The following TNRC6C variants were observed in gnomAD, a reference collection of about 807,000 sequenced individuals.
TNRC6C encodes trinucleotide repeat containing adaptor 6C, also known as trinucleotide repeat-containing gene 6C protein.
A neutral mutation model predicts 153.7 loss-of-function variants in TNRC6C; 20 were observed. That is an observed-to-expected ratio of 0.13 (90% CI 0.09 to 0.19). TNRC6C has a LOEUF of 0.19. Ranked by LOEUF, TNRC6C falls within the 10% of genes least tolerant of loss-of-function variation. TNRC6C has a pLI of 1.00. For missense variants in TNRC6C, 1,987 were observed against 2,172.0 expected, an observed-to-expected ratio of 0.91 and a Z score of 1.69; for synonymous variants, 811 against 841.4, an observed-to-expected ratio of 0.96 and a Z score of 0.63.
exon 3 of TNRC6C, chr17:78,051,161 A>C (rs763052664): frequency 1.3e-6 from 2 of 1,578,104 alleles, no homozygotes; most frequent in Non-Finnish European, 1.7e-6. Context: ...GTACCGGTCA[A>C]ACAGAAGGAC....
chr17:78,020,054 A>T (rs2071802895), intron 1 of TNRC6C, among the ~76,000 whole-genome samples: 1 of 152,242 alleles, frequency 6.6e-6, no homozygotes, highest in Non-Finnish European at 1.5e-5. Context: ...TGATTCAAAG[A>T]TCCAAAAATT....
upstream of TNRC6C, among the ~76,000 whole-genome samples, chr17:77,958,406 G>T (rs1333003059): frequency 1.3e-5 from 2 of 151,998 alleles, no homozygotes; most frequent in Non-Finnish European, 2.9e-5. Context: ...CACTCGGAGC[G>T]CGCACCGCTC....
chr17:78,089,613 T>C (rs551827638), intron 13 of TNRC6C, among the ~76,000 whole-genome samples: 1 of 152,106 alleles, frequency 6.6e-6, no homozygotes, highest in Non-Finnish European at 1.5e-5. Flanking sequence ...TCTCAGTCTT[T>C]TGCCACCTGG....
intron 1 of TNRC6C, among the ~76,000 whole-genome samples, chr17:77,979,253 G>T (rs1044115824): frequency 3.9e-5 from 6 of 152,198 alleles, no homozygotes; most frequent in African/African-American, 1.4e-4. Context: ...AAAATAGCTA[G>T]AAGAGAAGAA....
chr17:78,095,436 C>T (rs2073468022), intron 16 of TNRC6C, among the ~76,000 whole-genome samples: 1 of 152,224 alleles, frequency 6.6e-6, no homozygotes, highest in African/African-American at 2.4e-5. Context: ...CAGCCCTGAG[C>T]CTAAGAACCA....
chr17:78,078,954 A>G (rs1048737824), intron 9 of TNRC6C, among the ~76,000 whole-genome samples: 1 of 152,104 alleles, frequency 6.6e-6, no homozygotes, highest in Non-Finnish European at 1.5e-5. Flanking sequence ...TTAGCCGGGT[A>G]TGGTGGCAGG....
chr17:78,017,364 A>G (rs1400282593), intron 1 of TNRC6C, among the ~76,000 whole-genome samples: 2 of 152,208 alleles, frequency 1.3e-5, no homozygotes, highest in Non-Finnish European at 2.9e-5. Flanking sequence ...TGTAAGGTGG[A>G]TCATAGGGAA....
At chr17:77,983,347 T>C (rs557998955) in intron 1 of TNRC6C, among the ~76,000 whole-genome samples, 1 of 152,258 alleles carries the variant, frequency 6.6e-6, no homozygotes, top group South Asian at 2.1e-4. Context: ...AACCAACAGG[T>C]AGGAAAAGAG....
chr17:78,080,148 T>C (rs1050397787), intron 10 of TNRC6C, among the ~76,000 whole-genome samples: 1 of 152,176 alleles, frequency 6.6e-6, no homozygotes, highest in Non-Finnish European at 1.5e-5. Context: ...CCATAGAGAT[T>C]GTTAAGAAAA....
At chr17:78,086,416 A>G (rs1190473801) in intron 11 of TNRC6C, 87 bp from the exon 14 acceptor site, 2 of 998,226 alleles carry the variant, frequency 2.0e-6, no homozygotes, top group East Asian at 8.5e-5. Flanking sequence ...CTCTTTTTTT[A>G]TTTTTTAACT....
chr17:78,054,743 T>C (rs2072614340), intron 3 of TNRC6C, among the ~76,000 whole-genome samples: 1 of 151,968 alleles, frequency 6.6e-6, no homozygotes, highest in Non-Finnish European at 1.5e-5. Flanking sequence ...TGTACACTAC[T>C]GGAGACTACT....
chr17:78,001,338 T>A (rs1276974384), upstream of TNRC6C, among the ~76,000 whole-genome samples: 6 of 152,220 alleles, frequency 3.9e-5, no homozygotes, highest in Non-Finnish European at 7.3e-5. Flanking sequence ...CATATCAGAT[T>A]TCCTCCTTAC....
chr17:77,968,080 C>G (rs2144048250), intron 1 of TNRC6C, among the ~76,000 whole-genome samples: 1 of 152,328 alleles, frequency 6.6e-6, no homozygotes, highest in Admixed American at 6.5e-5. Flanking sequence ...GTTGCCCAGG[C>G]TGGAGTGCTG....
rs1482204114 is a variant in TNRC6C at position 78,049,016 on chromosome 17, C to A, written c.-47C>A. The A allele has an allele frequency of 6.8e-7, 1 of 1,460,872 alleles. No homozygotes were observed. The highest frequency in any genetic ancestry group is 9.0e-7 in the Non-Finnish European group (1 of 1,105,920). The allele number at this position is 1,460,872 out of a possible 1,614,324, so 90.5% of individuals were successfully genotyped here. A position where few individuals can be genotyped will look rare whatever the true frequency, so the allele number is the denominator to read the frequency against. ...GAGACTGAATCTGCCTCAGAATGTA[C>A]TACAGACACTGACTCTGCCTCCAAC... is the stretch of plus-strand genomic sequence containing the variant. On this transcript the variant is annotated 5_prime_UTR_variant, in exon 3 of 20. Coordinates refer to ENST00000301624, the Ensembl canonical transcript of TNRC6C. The surrounding 1 kb of genome is among the most constrained non-coding windows in gnomAD (Gnocchi z 4.1).
At chr17:78,054,239 G>T (rs1375472911) in intron 3 of TNRC6C, among the ~76,000 whole-genome samples, 1 of 152,162 alleles carries the variant, frequency 6.6e-6, no homozygotes, top group African/African-American at 2.4e-5. Context: ...ACTGGAAGTG[G>T]CTGTGGGTGA....
intron 1 of TNRC6C, among the ~76,000 whole-genome samples, chr17:78,017,765 G>A (rs1023794653): frequency 2.0e-5 from 3 of 152,178 alleles, no homozygotes; most frequent in Non-Finnish European, 4.4e-5. Context: ...ACCCTGCTAG[G>A]CTTCAGCCCC....
At chr17:78,068,878 G>A (rs896956551) in intron 5 of TNRC6C, among the ~76,000 whole-genome samples, 6 of 152,094 alleles carry the variant, frequency 3.9e-5, no homozygotes, top group Non-Finnish European at 8.8e-5. Flanking sequence ...TACATGAGAC[G>A]TGTATCTCAT....
chr17:78,018,250 C>T (rs775640860), intron 1 of TNRC6C, among the ~76,000 whole-genome samples: 5 of 152,204 alleles, frequency 3.3e-5, no homozygotes, highest in Non-Finnish European at 7.3e-5. Flanking sequence ...CCTTAGCCTC[C>T]AGAGTAGCTG....
intron 17 of TNRC6C, among the ~76,000 whole-genome samples, chr17:78,101,128 C>G (rs1449961192): frequency 1.3e-5 from 2 of 152,168 alleles, no homozygotes; most frequent in African/African-American, 2.4e-5. Context: ...ATGCTTTTAG[C>G]AGCACCCAAG....
Sources: allele counts gnomAD v4.1 joint callset (sites outside exome capture counted in the v4.1 genomes callset), GRCh38; gene constraint gnomAD v4.1.1; non-coding constraint Gnocchi (gnomAD v3.1); transcripts MANE v1.5; gene names NCBI Gene and HGNC (gene_info 2026-07-23, HGNC 2026-07-21).